The following COL5A1 variants were observed in gnomAD, a reference collection of about 807,000 sequenced individuals.
COL5A1 encodes collagen alpha-1(V) chain.
COL5A1 carries 16 observed loss-of-function variants against 263.7 expected under a neutral mutation model. The ratio of observed to expected loss-of-function variants is 0.06; its 90% CI spans 0.04 to 0.09. COL5A1 has a LOEUF of 0.09. COL5A1 is among the 10% of genes least tolerant of loss of function. The probability of loss-of-function intolerance (pLI) is 1.00; values close to 1 mark genes in which losing one functional copy is unlikely to be tolerated. For missense variants in COL5A1, 2,036 were observed against 2,540.5 expected (o/e 0.80, Z 4.27); for synonymous variants, 1,012 against 1,004.5 (o/e 1.01, Z -0.14).
chr9:134,775,614 C>T (rs1042135088), intron 27 of COL5A1, among the ~76,000 whole-genome samples: 1 of 152,216 alleles, frequency 6.6e-6, no homozygotes, highest in Non-Finnish European at 1.5e-5. Context: ...GGACACGGCA[C>T]GTTCTGTGTA....
intron 23 of COL5A1, 27 bp downstream of exon 23, chr9:134,767,080 G>T (rs542653894): frequency 1.2e-6 from 2 of 1,610,334 alleles, no homozygotes; most frequent in Admixed American, 1.7e-5. Context: ...GAGGCAGCTC[G>T]CAGGGATCCG....
In COL5A1 at chr9:134,642,275, G is replaced by A. The variant is rs973220674; in HGVS notation, c.88G>A (p.Ala30Thr). The change falls in exon 1 of 66, where the codon GCG becomes ACG. Residue 30 changes from alanine (A) to threonine (T), a missense_variant. This residue lies in a region of COL5A1 where 600 missense variants were observed against 634.5 expected (regional missense o/e 0.95). Transcript: ENST00000371817. This position sits in a 1 kb window ranked among gnomAD's most constrained non-coding sequence, Gnocchi z 4.5. ...LPPLLLLLLW[A>T]PPPSRAAQPA... ...CCCGCTGCTGCTGCTGCTGCTGTGG[G>A]CGCCGCCTCCGAGCCGCGCAGGTAA... The A allele has an allele frequency of 2.5e-6, 3 of 1,189,982 alleles. No homozygotes were observed. Among genetic ancestry groups the A allele is most frequent in the South Asian group, 3.4e-5 (1 of 29,700 alleles). 73.7% of individuals were successfully genotyped at this position (1,189,982 alleles called of 1,614,324 possible). A position where few individuals can be genotyped will look rare whatever the true frequency, so the allele number is the denominator to read the frequency against.
intron 4 of COL5A1, among the ~76,000 whole-genome samples, chr9:134,702,514 C>G (rs998065056): frequency 6.6e-6 from 1 of 152,162 alleles, no homozygotes; most frequent in Non-Finnish European, 1.5e-5. Context: ...AACCAGACAC[C>G]GTGTTGACTC....
chr9:134,741,365 G>C lies in COL5A1; in HGVS notation c.1494+2557G>C, dbSNP rs1314345251. Among the ~76,000 whole-genome samples, 2 of 152,186 alleles carry C rather than the reference G, an allele frequency of 1.3e-5. No homozygotes were observed. The highest frequency in any genetic ancestry group is 4.8e-5 in the African/African-American group (2 of 41,446). ...AAAACCAAAAAAAGTGCTTGGGTTC[G>C]GGAGCATATATACCATTTTAACAAG... On this transcript the variant is annotated intron_variant, in intron 11 of 65. Transcript: ENST00000371817. This position sits in a 1 kb window ranked among gnomAD's most constrained non-coding sequence, Gnocchi z 4.5.
intron 1 of COL5A1, among the ~76,000 whole-genome samples, chr9:134,664,926 CGGTG>C (rs1188970717): frequency 1.3e-5 from 2 of 151,562 alleles, no homozygotes; most frequent in African/African-American, 4.9e-5. Context: ...GAGCTGGGCA[CGGTG>C]GCTCACGCCT....
intron 18 of COL5A1, among the ~76,000 whole-genome samples, chr9:134,759,280 GCA>G (rs755910009): frequency 1.9e-4 from 27 of 140,886 alleles, no homozygotes; most frequent in South Asian, 4.6e-4. Context: ...ATACACACAT[GCA>G]CACACACGCA....
rs781546282 is a variant in COL5A1 at position 134,796,390 on chromosome 9, A to G, written c.2816A>G (p.Asp939Gly). ...KPGPKGNSGG[D>G]GPAGPPGERG... is the part of the protein sequence containing the mutation. Reference sequence around the variant, plus strand: ...CCTCTCAAGGGCAACTCCGGAGGTGACGGCCCAGCTGGCCCTCCTGGTGAA... The same window carrying G: ...CCTCTCAAGGGCAACTCCGGAGGTGGCGGCCCAGCTGGCCCTCCTGGTGAA... The change falls in exon 35 of 66, where the codon GAC becomes GGC. Residue 939 changes from aspartate to glycine, a missense_variant. By Grantham distance (94) the Asp-to-Gly change is moderately conservative (BLOSUM62 -1). This residue lies in a region of COL5A1 where 1,078 missense variants were observed against 1,521.4 expected (regional missense o/e 0.71). Transcript: ENST00000371817. 1.9e-6 allele frequency: 3 copies of G among 1,614,112 alleles called. No homozygotes were observed. Among genetic ancestry groups the G allele is most frequent in the Non-Finnish European group, 2.5e-6 (3 of 1,180,002 alleles).
chr9:134,705,155 G>T (rs918254915), intron 4 of COL5A1, among the ~76,000 whole-genome samples: 14 of 152,220 alleles, frequency 9.2e-5, no homozygotes, highest in African/African-American at 1.2e-4. Flanking sequence ...GGGACTGGGG[G>T]TTTTTCCTGG....
rs575564059 is a variant in COL5A1 at position 134,805,298 on chromosome 9, G to A, written c.3258+84G>A. 491 of 1,507,480 alleles carry A rather than the reference G, an allele frequency of 3.3e-4. 10 individuals carry two copies. In the South Asian group the frequency reaches 5.2e-3, roughly 16 times the overall value. The allele number at this position is 1,507,480 out of a possible 1,614,324, so 93.4% of individuals were successfully genotyped here. A position where few individuals can be genotyped will look rare whatever the true frequency, so the allele number is the denominator to read the frequency against. ...GGCAGTCCCCGAGAGCCCAGAGCAT[G>A]CAGCTGCCCCAGACCCCCGAGGAGC... is the stretch of plus-strand genomic sequence containing the variant. On this transcript the variant is annotated intron_variant, in intron 41 of 65. Coordinates refer to ENST00000371817, the MANE Select transcript of COL5A1 (RefSeq NM_000093.5).
At chr9:134,750,090 T>A (rs1325222863) in intron 11 of COL5A1, among the ~76,000 whole-genome samples, 4 of 152,194 alleles carry the variant, frequency 2.6e-5, no homozygotes, top group African/African-American at 4.8e-5. Context: ...GGCGGCTCGC[T>A]CGGAGCCCAT....
In COL5A1 at chr9:134,810,240, C is replaced by T. The variant is rs781552912; in HGVS notation, c.3475-15C>T. On this transcript the variant is annotated splice_polypyrimidine_tract_variant and intron_variant, in intron 43 of 65. Coordinates refer to ENST00000371817, the MANE Select transcript of COL5A1 (RefSeq NM_000093.5). The stretch of plus-strand genomic sequence containing the variant: ...TGTCAAGCTTTCTAACCGAATCCCC[C>T]ACACCTTCCCCTAGGGAGAGATCGG... 1.9e-6 allele frequency: 3 copies of T among 1,614,008 alleles called. No individual in the cohort carries two copies. Among genetic ancestry groups the T allele is most frequent in the South Asian group, 1.1e-5 (1 of 91,082 alleles).
At chr9:134,816,262 C>A (rs1053441580) in intron 52 of COL5A1, among the ~76,000 whole-genome samples, 14 of 152,254 alleles carry the variant, frequency 9.2e-5, no homozygotes, top group Non-Finnish European at 2.1e-4. Context: ...CACGACCCAC[C>A]ATGGGCTCGC....
intron 18 of COL5A1, among the ~76,000 whole-genome samples, chr9:134,760,769 A>G (rs12000090): frequency 0.31 from 42,755 of 136,090 alleles, 6,839 homozygotes; most frequent in East Asian, 0.49. Context: ...ACATACACGA[A>G]CACCACCTAC....
chr9:134,715,208 T>C (rs1834219445), intron 4 of COL5A1, among the ~76,000 whole-genome samples: 1 of 152,170 alleles, frequency 6.6e-6, no homozygotes, highest in South Asian at 2.1e-4. Flanking sequence ...CAAATGTCTC[T>C]GTATCATAAG....
chr9:134,666,242 C>T (rs1832351071), intron 1 of COL5A1, among the ~76,000 whole-genome samples: 1 of 152,192 alleles, frequency 6.6e-6, no homozygotes, highest in Admixed American at 6.5e-5. Context: ...CGTTGCCATC[C>T]TTCATCCACT....
rs142313124 is a variant in COL5A1, at chr9:134,766,461, C to T, written c.2096C>T (p.Thr699Met). 1,721 of 1,614,138 alleles carry T rather than the reference C, an allele frequency of 1.1e-3. 1 individual carries two copies. The highest frequency in any genetic ancestry group is 1.3e-3 in the Non-Finnish European group (1,550 of 1,179,996). Residue 699 changes from threonine (T) to methionine (M), a missense_variant, in exon 22 of 66, where the codon ACG becomes ATG. Around this residue, in one of 3 missense-constraint regions of COL5A1, gnomAD observed 1,078 missense variants for 1,521.4 expected, o/e 0.71. Coordinates refer to ENST00000371817, the MANE Select transcript of COL5A1 (RefSeq NM_000093.5). ...TCTTAAAATCGTACACAGGGTGTCACGGGTATGGACGGCCAGCCGGGGCCA... is the reference window on the plus strand; with the variant it reads ...TCTTAAAATCGTACACAGGGTGTCATGGGTATGGACGGCCAGCCGGGGCCA... Reference protein sequence around the residue: ...PPGPPGPPGVTGMDGQPGPKG... With the variant: ...PPGPPGPPGVMGMDGQPGPKG...
chr9:134,743,126 G>A (rs375568746), intron 11 of COL5A1, among the ~76,000 whole-genome samples: 4 of 152,176 alleles, frequency 2.6e-5, no homozygotes, highest in Non-Finnish European at 5.9e-5. Context: ...TCTTTGAGGC[G>A]AGTCCCTTCC....
At chr9:134,753,279 C>T (rs1835854560) in intron 14 of COL5A1, among the ~76,000 whole-genome samples, 1 of 152,212 alleles carries the variant, frequency 6.6e-6, no homozygotes, top group Non-Finnish European at 1.5e-5. Flanking sequence ...GAGAAACATA[C>T]AGTGTGTGCC....
At chr9:134,672,299 G>A (rs1308145476) in intron 1 of COL5A1, among the ~76,000 whole-genome samples, 1 of 152,158 alleles carries the variant, frequency 6.6e-6, no homozygotes, top group Non-Finnish European at 1.5e-5. Context: ...ATGAAAATGA[G>A]TCATAATGTC....
Sources: allele counts gnomAD v4.1 joint callset (sites outside exome capture counted in the v4.1 genomes callset), GRCh38; gene constraint gnomAD v4.1.1; regional missense constraint gnomAD v4.1.1; non-coding constraint Gnocchi (gnomAD v3.1); transcripts MANE v1.5; gene names NCBI Gene and HGNC (gene_info 2026-07-23, HGNC 2026-07-21).